The following GHR variants were observed in gnomAD, a reference collection of about 807,000 sequenced individuals.
The protein encoded by GHR is GH receptor.
A neutral mutation model predicts 67.1 loss-of-function variants in GHR; 35 were observed. That is an observed-to-expected ratio of 0.52 (90% CI 0.40 to 0.69). The LOEUF (loss-of-function observed/expected upper bound fraction) is 0.69, where lower values mean the gene tolerates loss of function less well. Ranked by LOEUF, GHR falls within the 30% of genes least tolerant of loss-of-function variation. The pLI, the probability that GHR is intolerant of heterozygous loss-of-function variation, is 0.00. For synonymous variants in GHR, 272 were observed against 269.1 expected (o/e 1.01, Z -0.10); for missense variants, 792 against 764.6 (o/e 1.04, Z -0.42).
chr5:42,580,043 C>T (rs1327789475), intron 2 of GHR, among the ~76,000 whole-genome samples: 1 of 151,992 alleles, frequency 6.6e-6, no homozygotes, highest in Non-Finnish European at 1.5e-5. Context: ...AACAAACATA[C>T]CATATATAGG....
chr5:42,463,754 G>A (rs989589591), intron 1 of GHR, among the ~76,000 whole-genome samples: 4 of 151,932 alleles, frequency 2.6e-5, no homozygotes, highest in Non-Finnish European at 4.4e-5. Flanking sequence ...AGCACTTTGG[G>A]AGGCCGAGGC....
At chr5:42,534,544 G>A (rs1314573727) in intron 1 of GHR, among the ~76,000 whole-genome samples, 3 of 151,274 alleles carry the variant, frequency 2.0e-5, no homozygotes, top group Non-Finnish European at 4.4e-5. Context: ...ATATACTATA[G>A]TTTCTTTATC....
At chr5:42,648,066 A>G (rs59270846) in intron 3 of GHR, among the ~76,000 whole-genome samples, 10 of 152,194 alleles carry the variant, frequency 6.6e-5, no homozygotes, top group Non-Finnish European at 1.3e-4. Context: ...AACAAGAAAC[A>G]TAAAGAAGTA....
chr5:42,613,341 C>G (rs909105354), intron 2 of GHR, among the ~76,000 whole-genome samples: 1 of 152,124 alleles, frequency 6.6e-6, no homozygotes, highest in African/African-American at 2.4e-5. Context: ...TCTGCGCTCT[C>G]CAGTTAAGCT....
chr5:42,677,079 TA>T (rs905713525), intron 3 of GHR, among the ~76,000 whole-genome samples: 51 of 149,530 alleles, frequency 3.4e-4, no homozygotes, highest in Non-Finnish European at 4.9e-4. Flanking sequence ...AAAGTAAAAT[TA>T]AAAAAAAAAT....
At chr5:42,546,766 T>C (rs968629327) in intron 1 of GHR, among the ~76,000 whole-genome samples, 2 of 152,082 alleles carry the variant, frequency 1.3e-5, no homozygotes, top group African/African-American at 4.8e-5. Context: ...ATAAATGGAT[T>C]GGAGAGAATT....
At chr5:42,433,732 A>ATTTTT (rs35539827) in intron 1 of GHR, among the ~76,000 whole-genome samples, 72 of 77,554 alleles carry the variant, frequency 9.3e-4, no homozygotes, top group Middle Eastern at 0.01. Flanking sequence ...AAGATATGGT[A>ATTTTT]TTTTTTTTTT....
intron 1 of GHR, among the ~76,000 whole-genome samples, chr5:42,426,565 T>G (rs1742861303): frequency 6.6e-6 from 1 of 152,226 alleles, no homozygotes; most frequent in South Asian, 2.1e-4. Flanking sequence ...AATGTGTTTA[T>G]GTGTGTCCAT....
intron 1 of GHR, among the ~76,000 whole-genome samples, chr5:42,508,535 A>T (rs542394031): frequency 4.1e-4 from 62 of 152,224 alleles, no homozygotes; most frequent in African/African-American, 1.4e-3. Flanking sequence ...GCATAAATGG[A>T]TATTACACAT....
intron 2 of GHR, among the ~76,000 whole-genome samples, chr5:42,576,046 T>TAAAATAAAATAAAATA: frequency 3.6e-5 from 2 of 55,892 alleles, no homozygotes; most frequent in African/African-American, 1.4e-4. Context: ...AAAATTAAAA[T>TAAAATAAAATAAAATA]AATAAAATAA....
rs1465970159 is a variant in GHR, at chr5:42,474,275, G to A, written c.-12+50320G>A. 1.6e-4 allele frequency among the ~76,000 whole-genome samples: 17 copies of A among 107,518 alleles called. 1 individual carries two copies. The highest frequency in any genetic ancestry group is 5.0e-4 in the African/African-American group (14 of 27,872). 70.5% of individuals were successfully genotyped at this position (107,518 alleles called of 152,430 possible). ...AGACAGACAGAAAGAAAGAAAGAAA[G>A]AAAGAAAGAAAAAGAGAAAGAGAAA... On this transcript the variant is annotated intron_variant, in intron 1 of 9. Coordinates refer to ENST00000230882, the MANE Select transcript of GHR (RefSeq NM_000163.5).
chr5:42,482,862 C>T (rs187254221), intron 1 of GHR, among the ~76,000 whole-genome samples: 4 of 152,330 alleles, frequency 2.6e-5, no homozygotes, highest in East Asian at 3.9e-4. Flanking sequence ...TGCTTTGGCT[C>T]GCACTCGGTG....
intron 3 of GHR, among the ~76,000 whole-genome samples, chr5:42,663,844 C>A (rs898964239): frequency 6.6e-6 from 1 of 152,146 alleles, no homozygotes; most frequent in Non-Finnish European, 1.5e-5. Context: ...ATCTAGAAAA[C>A]CCCATTGTCT....
chr5:42,603,427 C>A (rs1313106434), intron 2 of GHR, among the ~76,000 whole-genome samples: 1 of 152,024 alleles, frequency 6.6e-6, no homozygotes, highest in African/African-American at 2.4e-5. Flanking sequence ...ACCATTATTT[C>A]TTTGAATTTT....
At chr5:42,426,362 A>G (rs574011320) in intron 1 of GHR, among the ~76,000 whole-genome samples, 13 of 152,356 alleles carry the variant, frequency 8.5e-5, no homozygotes, top group African/African-American at 2.4e-4. Context: ...TGAGTGACGT[A>G]GTGAGAAAGT....
chr5:42,433,071 T>C (rs1743164572), intron 1 of GHR, among the ~76,000 whole-genome samples: 2 of 152,234 alleles, frequency 1.3e-5, no homozygotes, highest in Non-Finnish European at 2.9e-5. Context: ...TTCCAAGGTG[T>C]ATGCTGTTCA....
chr5:42,470,148 A>G (rs1744939671), intron 1 of GHR, among the ~76,000 whole-genome samples: 1 of 95,366 alleles, frequency 1.0e-5, no homozygotes, highest in Non-Finnish European at 2.1e-5. Flanking sequence ...TTAATATACT[A>G]TATATTATAA....
rs149460027 is a variant in GHR at position 42,470,543 on chromosome 5, G to A, written c.-12+46588G>A. On this transcript the variant is annotated intron_variant, in intron 1 of 9. Coordinates refer to ENST00000230882, the MANE Select transcript of GHR (RefSeq NM_000163.5). ...TATTGCTGTGTCCAATGCTTGCTTC[G>A]TTCATATGAAATTTGACTTTTGGCC... Among the ~76,000 whole-genome samples the A allele has an allele frequency of 1.5e-3, 231 of 152,090 alleles. 2 individuals are homozygous for A. Among genetic ancestry groups the A allele is most frequent in the African/African-American group, 5.4e-3 (224 of 41,476 alleles).
At chr5:42,495,586 T>A (rs371441456) in intron 1 of GHR, among the ~76,000 whole-genome samples, 4 of 152,104 alleles carry the variant, frequency 2.6e-5, no homozygotes, top group Non-Finnish European at 4.4e-5. Flanking sequence ...CATATTACCA[T>A]GTGATCAGAA....
Sources: gnomAD v4.1 joint callset for allele counts (sites outside exome capture counted in the v4.1 genomes callset) on GRCh38, gnomAD v4.1.1 for gene constraint, MANE v1.5 for transcripts, NCBI Gene and HGNC (gene_info 2026-07-23, HGNC 2026-07-21) for gene names.